ANKUB1: variants seen among roughly 807,000 people sequenced by gnomAD.
The protein encoded by ANKUB1 is protein ANKUB1.
A neutral mutation model predicts 49.3 loss-of-function variants in ANKUB1; 42 were observed. That is an observed-to-expected ratio of 0.85 (90% confidence interval 0.67 to 1.10). The LOEUF is 1.10. ANKUB1 is among the 50% of genes least tolerant of loss of function. ANKUB1 has a pLI of 0.00. For missense variants in ANKUB1, 613 were observed against 642.0 expected (o/e 0.95, Z 0.49); for synonymous variants, 222 against 231.0 (o/e 0.96, Z 0.35).
intron 2 of ANKUB1, among the ~76,000 whole-genome samples, chr3:149,786,324 C>T (rs1048024908): frequency 1.3e-5 from 2 of 152,160 alleles, no homozygotes; most frequent in Admixed American, 6.5e-5. Flanking sequence ...CGTGAGCCAC[C>T]GCTCCCAGCC....
At chr3:149,763,808 A>G (rs1232198896) in intron 5 of ANKUB1, 1 of 424,916 alleles carries the variant, frequency 2.4e-6, no homozygotes, top group Non-Finnish European at 4.7e-6. Context: ...AGCCACATTT[A>G]CTCACCAACC....
chr3:149,766,807 G>GA, intron 5 of ANKUB1: 1 of 1,160,186 alleles, frequency 8.6e-7, no homozygotes, highest in Non-Finnish European at 1.2e-6. Context: ...CAAACAAAAA[G>GA]AAAAAAGAAA....
At chr3:149,769,001 A>T (rs1458536029) in intron 4 of ANKUB1, among the ~76,000 whole-genome samples, 1 of 152,214 alleles carries the variant, frequency 6.6e-6, no homozygotes, top group Non-Finnish European at 1.5e-5. Context: ...AAAAGTAACA[A>T]AGCAACACAG....
chr3:149,775,731 G>T (rs1334373080), intron 3 of ANKUB1, among the ~76,000 whole-genome samples: 1 of 152,122 alleles, frequency 6.6e-6, no homozygotes, highest in African/African-American at 2.4e-5. Context: ...GTTTCAGAAA[G>T]GATGAATGCC....
intron 2 of ANKUB1, among the ~76,000 whole-genome samples, chr3:149,786,074 C>T (rs1044228600): frequency 6.4e-4 from 96 of 149,856 alleles, no homozygotes; most frequent in African/African-American, 2.2e-3. Context: ...CTCGCTTTTT[C>T]GCCCAGGCCA....
chr3:149,780,282 C>T lies in ANKUB1; in HGVS notation c.408G>A (p.Glu136=). Residue 136 remains glutamate, a synonymous_variant, in exon 3 of 6, where the codon GAG becomes GAA. Transcript: ENST00000446160. ...VYCLRTPRGL[E]MYDCNTLKDY... ...CCTTGAGGGTGTTGCAATCATACAT[C>T]TCCAGGCCCCTTGGGGTTCGGAGAC... 1 of 1,551,684 alleles carries T rather than the reference C, an allele frequency of 6.4e-7. No individual in the cohort carries two copies. The highest frequency in any genetic ancestry group is 1.2e-5 in the South Asian group (1 of 84,060).
At chr3:149,788,208 G>T (rs903744070) in intron 2 of ANKUB1, among the ~76,000 whole-genome samples, 1 of 152,170 alleles carries the variant, frequency 6.6e-6, no homozygotes, top group Non-Finnish European at 1.5e-5. Context: ...GATAGATCAA[G>T]CATGATAGAG....
At chr3:149,769,205 A>G (rs919096759) in intron 4 of ANKUB1, among the ~76,000 whole-genome samples, 10 of 152,196 alleles carry the variant, frequency 6.6e-5, no homozygotes, top group African/African-American at 1.9e-4. Context: ...GCACTTTTCT[A>G]AAGTACTATT....
intron 2 of ANKUB1, among the ~76,000 whole-genome samples, chr3:149,788,874 T>G (rs997013246): frequency 6.6e-6 from 1 of 151,978 alleles, no homozygotes; most frequent in Non-Finnish European, 1.5e-5. Context: ...CCTCCAGGGT[T>G]CAAGTGATTC....
At chr3:149,782,885 T>C (rs973894381) in intron 2 of ANKUB1, among the ~76,000 whole-genome samples, 9 of 152,094 alleles carry the variant, frequency 5.9e-5, no homozygotes, top group Non-Finnish European at 1.0e-4. Flanking sequence ...AGGAAGAAAA[T>C]ATTACTAATT....
chr3:149,769,763 TA>T (rs1717241122), intron 4 of ANKUB1, among the ~76,000 whole-genome samples: 3 of 152,380 alleles, frequency 2.0e-5, no homozygotes, highest in African/African-American at 7.2e-5. Flanking sequence ...ATATCACTTT[TA>T]CACCATTGTA....
At chr3:149,783,951 C>T (rs1410461404) in intron 2 of ANKUB1, 3 of 152,126 alleles carry the variant, frequency 2.0e-5, no homozygotes, top group African/African-American at 7.2e-5. Context: ...TTTAAAGAAA[C>T]ATGTTTATAC....
intron 3 of ANKUB1, among the ~76,000 whole-genome samples, chr3:149,773,538 TCCAAAATACGGA>T (rs1171359947): frequency 6.6e-6 from 1 of 152,206 alleles, no homozygotes; most frequent in African/African-American, 2.4e-5. Flanking sequence ...ATAAACATTT[TCCAAAATACGGA>T]CCATACTTGC....
Position 149,767,911 on chromosome 3 carries a change from C to T in ANKUB1, c.751G>A (p.Gly251Ser). ...KCPIHAAAEA[G>S]QLLILKAFVN... ...AAGGCCTTCAGAATCAACAGTTGGC[C>T]TGCTTCTGCGGCTGCATGAATGGGG... The change falls in exon 5 of 6, where the codon GGC becomes AGC. Residue 251 changes from glycine (G) to serine (S), a missense_variant. By Grantham distance (56) the Gly-to-Ser change is moderately conservative. Coordinates refer to ENST00000446160, the MANE Select transcript of ANKUB1 (RefSeq NM_001144960.3). The T allele has an allele frequency of 6.4e-7, 1 of 1,550,990 alleles. No homozygotes were observed. Among genetic ancestry groups the T allele is most frequent in the Non-Finnish European group, 8.7e-7 (1 of 1,146,386 alleles).
intron 5 of ANKUB1, among the ~76,000 whole-genome samples, chr3:149,761,971 C>T (rs1166916380): frequency 1.3e-5 from 2 of 152,194 alleles, no homozygotes; most frequent in African/African-American, 2.4e-5. Context: ...TACGAACACA[C>T]ATGAGGATTT....
chr3:149,764,040 C>T (rs913087016), intron 5 of ANKUB1: 1 of 456,198 alleles, frequency 2.2e-6, no homozygotes, highest in Admixed American at 2.3e-5. Flanking sequence ...ATCCCTGGGT[C>T]AGCATCATGA....
chr3:149,776,782 G>A (rs1014095164), intron 3 of ANKUB1, among the ~76,000 whole-genome samples: 2 of 147,068 alleles, frequency 1.4e-5, no homozygotes, highest in Admixed American at 6.9e-5. Context: ...CCAACATGGT[G>A]AAACCCTGTC....
At chr3:149,790,733 T>C in intron 2 of ANKUB1, 48 bp downstream of exon 2, 1 of 1,495,608 alleles carries the variant, frequency 6.7e-7, no homozygotes, top group Non-Finnish European at 8.9e-7. Flanking sequence ...CCAACTTTAT[T>C]CAAAATGAGA....
In ANKUB1 at chr3:149,768,035, T is replaced by C; in HGVS notation, c.627A>G (p.Glu209=). 1 of 1,470,848 alleles carries C rather than the reference T, an allele frequency of 6.8e-7. No individual in the cohort carries two copies. Among genetic ancestry groups the C allele is most frequent in the South Asian group, 1.4e-5 (1 of 70,286 alleles). The allele number at this position is 1,470,848 out of a possible 1,614,324, so 91.1% of individuals were successfully genotyped here. ...GCCGCGCACCCTGCTTCAGGGCCCA[T>C]TCAGTGAGTTCAATGTACCCACAAA... ...AAFCGYIELT[E]WALKQGARPH... is the part of the protein sequence containing the mutation. The change falls in exon 5 of 6, where the codon GAA becomes GAG. Residue 209 remains glutamate (E), a synonymous_variant. Transcript: ENST00000446160.
Sources: gnomAD v4.1 joint callset for allele counts (sites outside exome capture counted in the v4.1 genomes callset) on GRCh38, gnomAD v4.1.1 for gene constraint, MANE v1.5 for transcripts, NCBI Gene and HGNC (gene_info 2026-07-23, HGNC 2026-07-21) for gene names.